STK32B: variants seen among roughly 807,000 people sequenced by gnomAD.
The protein encoded by STK32B is serine/threonine kinase 32B.
In STK32B, 43 loss-of-function variants were observed where a neutral mutation model predicts 52.6. The observed-to-expected ratio is 0.82, with a 90% confidence interval of 0.64 to 1.05. The LOEUF is 1.05. STK32B is among the 50% of genes least tolerant of loss of function. STK32B has a pLI of 0.00. For missense variants in STK32B, 621 were observed against 534.6 expected (o/e 1.16, Z -1.59); for synonymous variants, 238 against 204.3 (o/e 1.17, Z -1.41).
In STK32B at chr4:5,409,453, A is replaced by G. The variant is rs3774851; in HGVS notation, c.473-7392A>G. 5.1e-3 allele frequency among the ~76,000 whole-genome samples: 774 copies of G among 152,298 alleles called. 23 individuals are homozygous for G. In the East Asian group the frequency reaches 0.071, roughly 14 times the overall value. ...ATACTGTGAGATAGAAAGGAAGTGTATTAGTCAGGGAGCCTTGGCTCTGCA... is the reference window on the plus strand; with the variant it reads ...ATACTGTGAGATAGAAAGGAAGTGTGTTAGTCAGGGAGCCTTGGCTCTGCA... On this transcript the variant is annotated intron_variant, in intron 5 of 11. Coordinates refer to ENST00000282908, the MANE Select transcript of STK32B (RefSeq NM_018401.3).
At chr4:5,313,721 AC>A (rs1249860431) in intron 3 of STK32B, among the ~76,000 whole-genome samples, 1 of 152,182 alleles carries the variant, frequency 6.6e-6, no homozygotes, top group Non-Finnish European at 1.5e-5. Context: ...ATAAAGATCA[AC>A]CTAGAACTGT....
chr4:5,097,901 T>C (rs1209803702), intron 1 of STK32B, among the ~76,000 whole-genome samples: 1 of 152,212 alleles, frequency 6.6e-6, no homozygotes, highest in Non-Finnish European at 1.5e-5. Context: ...TATGCTAACC[T>C]GGGCTAGGCT....
At chr4:5,492,160 T>C (rs1719789463) in intron 11 of STK32B, among the ~76,000 whole-genome samples, 2 of 152,182 alleles carry the variant, frequency 1.3e-5, no homozygotes, top group East Asian at 3.9e-4. Flanking sequence ...ATCTATAAAT[T>C]ACCTTGGGCA....
chr4:5,407,085 A>C (rs530379947), intron 5 of STK32B, among the ~76,000 whole-genome samples: 1 of 152,274 alleles, frequency 6.6e-6, no homozygotes, highest in Non-Finnish European at 1.5e-5. Flanking sequence ...GCCAAGCCAC[A>C]TCTTGAACAT....
At chr4:5,255,540 C>T (rs776461774) in intron 3 of STK32B, among the ~76,000 whole-genome samples, 3 of 152,040 alleles carry the variant, frequency 2.0e-5, no homozygotes, top group Non-Finnish European at 4.4e-5. Context: ...AATCAAGATA[C>T]GGAACATTAT....
chr4:5,150,979 T>C (rs1340453663), intron 2 of STK32B, among the ~76,000 whole-genome samples: 1 of 152,210 alleles, frequency 6.6e-6, no homozygotes, highest in Non-Finnish European at 1.5e-5. Flanking sequence ...GAGAGTTTTG[T>C]TCCTGAACCT....
chr4:5,257,619 C>T (rs1226901449), intron 3 of STK32B, among the ~76,000 whole-genome samples: 2 of 152,188 alleles, frequency 1.3e-5, no homozygotes, highest in African/African-American at 2.4e-5. Flanking sequence ...CTGCCATGAT[C>T]GCTTCAGTGA....
At chr4:5,116,142 C>G (rs574637714) in intron 1 of STK32B, among the ~76,000 whole-genome samples, 1 of 151,960 alleles carries the variant, frequency 6.6e-6, no homozygotes, top group African/African-American at 2.4e-5. Context: ...GCTGGTGCAT[C>G]AGCTGCTCTA....
intron 3 of STK32B, among the ~76,000 whole-genome samples, chr4:5,247,207 G>A (rs923309393): frequency 5.1e-4 from 77 of 152,352 alleles, no homozygotes; most frequent in Non-Finnish European, 8.4e-4. Context: ...TCCTTGAGCT[G>A]TGGTCGGCTC....
chr4:5,490,955 T>C (rs1408509072), intron 11 of STK32B, among the ~76,000 whole-genome samples: 1 of 152,256 alleles, frequency 6.6e-6, no homozygotes, highest in Non-Finnish European at 1.5e-5. Flanking sequence ...TGACACATTT[T>C]CTTAATCCAG....
At chr4:5,047,693 G>A (rs1040858683), upstream of STK32B, among the ~76,000 whole-genome samples, 22 of 152,262 alleles carry the variant, frequency 1.4e-4, no homozygotes, top group African/African-American at 5.1e-4. Flanking sequence ...CAGGAAAGCC[G>A]GGTAGAAATC....
chr4:5,322,918 C>A (rs1577347693), intron 3 of STK32B, among the ~76,000 whole-genome samples: 1 of 152,194 alleles, frequency 6.6e-6, no homozygotes, highest in South Asian at 2.1e-4. Flanking sequence ...AGTTTGTAAG[C>A]AGCCTCCAAG....
At chr4:5,150,285 C>T (rs548385035) in intron 2 of STK32B, among the ~76,000 whole-genome samples, 8 of 152,076 alleles carry the variant, frequency 5.3e-5, no homozygotes, top group African/African-American at 7.2e-5. Context: ...CCTTTTATAT[C>T]ATGTAGCATA....
At chr4:5,140,437 G>A in intron 2 of STK32B, 2 of 542,146 alleles carry the variant, frequency 3.7e-6, no homozygotes, top group Non-Finnish European at 5.1e-6. Context: ...CACATACTCA[G>A]AAATTTTTTT....
chr4:5,415,193 CTTAT>C (rs761739626), intron 5 of STK32B, among the ~76,000 whole-genome samples: 1 of 152,212 alleles, frequency 6.6e-6, no homozygotes, highest in Non-Finnish European at 1.5e-5. Context: ...AAAGCAAACA[CTTAT>C]GAGAAGCTTC....
At chr4:5,465,061 G>A (rs1177250288) in intron 9 of STK32B, among the ~76,000 whole-genome samples, 1 of 152,122 alleles carries the variant, frequency 6.6e-6, no homozygotes, top group African/African-American at 2.4e-5. Flanking sequence ...GAGGCCATTG[G>A]TACCGCGAAC....
chr4:5,203,350 T>G (rs552368237), intron 3 of STK32B, among the ~76,000 whole-genome samples: 1 of 152,108 alleles, frequency 6.6e-6, no homozygotes, highest in Non-Finnish European at 1.5e-5. Flanking sequence ...AATAAACAAT[T>G]TTTGCCCATT....
At chr4:5,427,471 C>A (rs1039265833) in intron 6 of STK32B, among the ~76,000 whole-genome samples, 3 of 152,104 alleles carry the variant, frequency 2.0e-5, no homozygotes, top group African/African-American at 7.2e-5. Context: ...GGTATTATTT[C>A]TACACATATT....
chr4:5,416,439 G>A (rs1712166654), intron 5 of STK32B, among the ~76,000 whole-genome samples: 2 of 152,048 alleles, frequency 1.3e-5, no homozygotes, highest in African/African-American at 4.8e-5. Flanking sequence ...CGGACAAACA[G>A]CAGAACAAAC....
Sources: gnomAD v4.1 joint callset for allele counts (sites outside exome capture counted in the v4.1 genomes callset) on GRCh38, gnomAD v4.1.1 for gene constraint, MANE v1.5 for transcripts, NCBI Gene and HGNC (gene_info 2026-07-23, HGNC 2026-07-21) for gene names.